Variants in RALGPS1 observed in about 807,000 individuals in gnomAD.
RALGPS1 encodes the protein ras-specific guanine nucleotide-releasing factor RalGPS1.
In RALGPS1, 19 loss-of-function variants were observed where a neutral mutation model predicts 78.8. The observed-to-expected ratio is 0.24, with a 90% CI of 0.17 to 0.35. The LOEUF is 0.35. Among genes scored for constraint, RALGPS1 ranks in the 10% least tolerant of loss-of-function variants. RALGPS1 has a pLI of 1.00. For missense variants in RALGPS1, 454 were observed against 688.3 expected, an observed-to-expected ratio of 0.66 and a Z score of 3.81; for synonymous variants, 228 against 256.3, an observed-to-expected ratio of 0.89 and a Z score of 1.06.
chr9:127,134,103 G>A (rs536211225), intron 8 of RALGPS1, among the ~76,000 whole-genome samples: 8 of 152,128 alleles, frequency 5.3e-5, no homozygotes, highest in East Asian at 3.9e-4. Context: ...AGCAGGCGCC[G>A]GGAGACAGCT....
chr9:127,171,954 ACATAGT>A (rs1353014419), intron 10 of RALGPS1, among the ~76,000 whole-genome samples: 2 of 152,190 alleles, frequency 1.3e-5, no homozygotes, highest in Non-Finnish European at 2.9e-5. Flanking sequence ...TATTATTACC[ACATAGT>A]CCAAGTCTAT....
intron 4 of RALGPS1, among the ~76,000 whole-genome samples, chr9:127,003,671 T>C (rs1345578082): frequency 6.6e-6 from 1 of 152,140 alleles, no homozygotes; most frequent in Non-Finnish European, 1.5e-5. Context: ...ACTGCCAAAC[T>C]GTTTTCTTTC....
chr9:127,045,522 T>C lies in RALGPS1; in HGVS notation c.301-4521T>C, dbSNP rs2047674073. Among the ~76,000 whole-genome samples, 5 of 152,242 alleles carry C rather than the reference T, an allele frequency of 3.3e-5. No individual in the cohort carries two copies. In the South Asian group the frequency reaches 1.0e-3, roughly 32 times the overall value. On this transcript the variant is annotated intron_variant, in intron 5 of 18. Transcript: ENST00000259351. ...AGAAATAGATGAATATAAGAGAGTA[T>C]AATGAAATGGATGGCAGATGGTGGG...
At chr9:127,048,624 A>G (rs1354235099) in intron 5 of RALGPS1, among the ~76,000 whole-genome samples, 1 of 152,248 alleles carries the variant, frequency 6.6e-6, no homozygotes, top group African/African-American at 2.4e-5. Context: ...ATGTTCCGTA[A>G]TATGCCATAA....
chr9:126,939,591 C>T (rs572666811), intron 1 of RALGPS1, among the ~76,000 whole-genome samples: 2 of 152,166 alleles, frequency 1.3e-5, no homozygotes, highest in Non-Finnish European at 2.9e-5. Flanking sequence ...ATCCTGTATG[C>T]CCACTTTACA....
intron 3 of RALGPS1, 45 bp from the exon 4 acceptor site, chr9:126,977,650 C>T (rs1448165876): frequency 7.5e-7 from 1 of 1,326,468 alleles, no homozygotes; most frequent in Non-Finnish European, 1.1e-6. Context: ...TGACAGTTAT[C>T]TTTGATGTAC....
rs541335504 is a variant in RALGPS1, at chr9:127,084,064, T to C, written c.610+14708T>C. On this transcript the variant is annotated intron_variant, in intron 8 of 18. Coordinates refer to ENST00000259351, the MANE Select transcript of RALGPS1 (RefSeq NM_014636.3). Reference sequence around the variant, plus strand: ...TAGCTAGGACCACAGGTACATGCCATCTTGCCAAGCTAATTGTTTAATTAA... The same window carrying C: ...TAGCTAGGACCACAGGTACATGCCACCTTGCCAAGCTAATTGTTTAATTAA... Among the ~76,000 whole-genome samples, 8 of 152,186 alleles carry C rather than the reference T, an allele frequency of 5.3e-5. No homozygotes were observed. In the South Asian group the frequency reaches 1.5e-3, roughly 28 times the overall value.
chr9:127,193,467 G>T (rs1363061115), intron 11 of RALGPS1, among the ~76,000 whole-genome samples: 1 of 151,910 alleles, frequency 6.6e-6, no homozygotes, highest in Non-Finnish European at 1.5e-5. Flanking sequence ...AAGGAGGGGG[G>T]ACAGCAGAGA....
chr9:127,195,045 C>G (rs2061279820), intron 11 of RALGPS1, 46 bp from the exon 12 acceptor site: 2 of 1,603,538 alleles, frequency 1.2e-6, no homozygotes, highest in African/African-American at 2.7e-5. Flanking sequence ...AGCCCCTCAC[C>G]CTCCCATCAT....
At chr9:127,112,933 TGCCC>T (rs2054997693) in intron 8 of RALGPS1, among the ~76,000 whole-genome samples, 1 of 152,224 alleles carries the variant, frequency 6.6e-6, no homozygotes, top group African/African-American at 2.4e-5. Context: ...ACTAGTGTTA[TGCCC>T]ATTTCTAGGC....
chr9:127,049,186 G>A (rs928129021), intron 5 of RALGPS1, among the ~76,000 whole-genome samples: 24 of 152,216 alleles, frequency 1.6e-4, no homozygotes, highest in African/African-American at 4.3e-4. Flanking sequence ...TTGGGCATCC[G>A]TGTTTCACAT....
rs958707177 is a variant in RALGPS1, at chr9:127,133,970, G to A, written c.611-32099G>A. ...TGCCTCCTAGGCTGCTCCGGATAAT[G>A]CCCAGTATCCCCTTAGTAAATGCTC... On this transcript the variant is annotated intron_variant, in intron 8 of 18. Coordinates refer to ENST00000259351, the MANE Select transcript of RALGPS1 (RefSeq NM_014636.3). Among the ~76,000 whole-genome samples the A allele has an allele frequency of 8.6e-5, 13 of 151,418 alleles. No individual in the cohort carries two copies. The East Asian group carries it at 2.5e-3, about 29-fold the overall frequency.
At chr9:126,948,816 CT>C (rs35563544) in intron 1 of RALGPS1, among the ~76,000 whole-genome samples, 2,529 of 144,812 alleles carry the variant, frequency 0.017, 58 homozygotes, top group African/African-American at 0.057. Flanking sequence ...CTCCCAAGTT[CT>C]TTTTTTTTTT....
At chr9:126,982,817 T>A (rs1182478561) in intron 4 of RALGPS1, among the ~76,000 whole-genome samples, 1 of 94,746 alleles carries the variant, frequency 1.1e-5, no homozygotes, top group Non-Finnish European at 2.8e-5. Flanking sequence ...TCTTTCTTCC[T>A]CCTTCTTCTT....
chr9:127,107,871 C>T (rs2054371439), intron 8 of RALGPS1: 1 of 1,503,274 alleles, frequency 6.7e-7, no homozygotes, highest in African/African-American at 1.4e-5. Flanking sequence ...AGCCTGGTGC[C>T]TGGCTCTGAG....
rs189108690 is a variant in RALGPS1, at chr9:127,183,034, T to G, written c.910+8252T>G. 1.3e-5 allele frequency among the ~76,000 whole-genome samples: 2 copies of G among 152,208 alleles called. No individual in the cohort carries two copies. The highest frequency in any genetic ancestry group is 1.3e-4 in the Admixed American group (2 of 15,286). ...CATGGTGAGAGCAGAAGCAAGAGAT[T>G]CAGGGGTGAGGAGAGGCAAGTTCCC... On this transcript the variant is annotated intron_variant, in intron 11 of 18. Transcript: ENST00000259351. The surrounding 1 kb of genome is among the most constrained non-coding windows in gnomAD (Gnocchi z 4.0).
At chr9:127,020,295 A>G (rs1330722668) in intron 4 of RALGPS1, among the ~76,000 whole-genome samples, 1 of 152,194 alleles carries the variant, frequency 6.6e-6, no homozygotes, top group Non-Finnish European at 1.5e-5. Context: ...CAGTGCGAAG[A>G]TTAGGTCAGA....
intron 4 of RALGPS1, among the ~76,000 whole-genome samples, chr9:127,012,942 G>T (rs1200859157): frequency 6.6e-6 from 1 of 152,118 alleles, no homozygotes; most frequent in African/African-American, 2.4e-5. Context: ...AATGGGAAAG[G>T]TAAGAGATTT....
intron 8 of RALGPS1, among the ~76,000 whole-genome samples, chr9:127,072,701 T>C (rs972958661): frequency 6.6e-6 from 1 of 152,240 alleles, no homozygotes; most frequent in African/African-American, 2.4e-5. Context: ...ATGTTCAAAT[T>C]ATAAATTTTT....
Sources: allele counts gnomAD v4.1 joint callset (sites outside exome capture counted in the v4.1 genomes callset), GRCh38; gene constraint gnomAD v4.1.1; non-coding constraint Gnocchi (gnomAD v3.1); transcripts MANE v1.5; gene names NCBI Gene and HGNC (gene_info 2026-07-23, HGNC 2026-07-21).